Variants in ROCK1 observed in about 807,000 individuals in gnomAD.
ROCK1 encodes Rho associated coiled-coil containing protein kinase 1, also known as rho-associated protein kinase 1.
Under a neutral mutation model 196.8 loss-of-function variants are expected in ROCK1, and 36 were observed. The observed-to-expected ratio is 0.18, with a 90% CI of 0.14 to 0.24. ROCK1 has a LOEUF of 0.24. ROCK1 is among the 10% of genes least tolerant of loss of function. The pLI is 1.00. For synonymous variants in ROCK1, 443 were observed against 515.9 expected, an observed-to-expected ratio of 0.86 and a Z score of 1.91; for missense variants, 920 against 1,562.0, an observed-to-expected ratio of 0.59 and a Z score of 6.93.
chr18:21,055,368 AC>A (rs1568396531), intron 2 of ROCK1, among the ~76,000 whole-genome samples: 1 of 150,678 alleles, frequency 6.6e-6, no homozygotes, highest in African/African-American at 2.5e-5. Context: ...CTTCACACAC[AC>A]CTCCCACAGC....
intron 10 of ROCK1, among the ~76,000 whole-genome samples, chr18:21,026,925 ATTTC>A (rs1008283703): frequency 1.3e-5 from 2 of 148,472 alleles, no homozygotes; most frequent in Non-Finnish European, 3.0e-5. Flanking sequence ...CTTTGTTTAG[ATTTC>A]TTTTTCTTTC....
At chr18:21,069,416 T>C (rs2036365125) in intron 2 of ROCK1, among the ~76,000 whole-genome samples, 1 of 152,116 alleles carries the variant, frequency 6.6e-6, no homozygotes, top group African/African-American at 2.4e-5. Flanking sequence ...GGTTTACCAG[T>C]TAAAACAGTT....
intron 1 of ROCK1, among the ~76,000 whole-genome samples, chr18:21,101,664 A>G (rs2036660660): frequency 6.6e-6 from 1 of 152,224 alleles, no homozygotes. Context: ...AGATTTCTCT[A>G]TATTAAGAGA....
chr18:20,954,861 G>A lies in ROCK1; in HGVS notation c.3775C>T (p.Leu1259=), dbSNP rs1164425646. The A allele has an allele frequency of 7.4e-6, 12 of 1,613,840 alleles. No individual in the cohort carries two copies. The East Asian group carries it at 1.1e-4, about 15-fold the overall frequency. The part of the protein sequence containing the change: ...LWHVFKPPPA[L]ECRRCHVKCH... The stretch of plus-strand genomic sequence containing the variant: ...TTAACATGGCATCTTCGACACTCTA[G>A]GGCAGGGGGTGGCTTAAAAACATGC... Residue 1259 remains leucine (L), a synonymous_variant, in exon 31 of 33, where the codon CTA becomes TTA. Transcript: ENST00000399799.
At chr18:21,063,829 A>C (rs975691007) in intron 2 of ROCK1, among the ~76,000 whole-genome samples, 6 of 152,200 alleles carry the variant, frequency 3.9e-5, no homozygotes, top group African/African-American at 1.4e-4. Context: ...GAAGACTGCC[A>C]CTGTTCAGAA....
At chr18:20,977,502 A>G (rs1262430896) in intron 22 of ROCK1, among the ~76,000 whole-genome samples, 1 of 152,182 alleles carries the variant, frequency 6.6e-6, no homozygotes, top group African/African-American at 2.4e-5. Flanking sequence ...TGAATCCCAC[A>G]TGGTAAGATG....
intron 16 of ROCK1, among the ~76,000 whole-genome samples, chr18:21,002,695 C>T (rs1210386775): frequency 6.6e-6 from 1 of 152,126 alleles, no homozygotes; most frequent in Non-Finnish European, 1.5e-5. Flanking sequence ...TCAATGGCTA[C>T]TAACACCACA....
At chr18:21,105,605 TA>T (rs2036696569) in intron 1 of ROCK1, among the ~76,000 whole-genome samples, 1 of 152,166 alleles carries the variant, frequency 6.6e-6, no homozygotes, top group Non-Finnish European at 1.5e-5. Context: ...ATGTGTGGAC[TA>T]ACACTGTCAA....
chr18:21,091,146 A>G (rs925362602), intron 1 of ROCK1, among the ~76,000 whole-genome samples: 1 of 151,922 alleles, frequency 6.6e-6, no homozygotes, highest in Non-Finnish European at 1.5e-5. Context: ...TGATACAAAG[A>G]CCAATCTCTC....
chr18:20,952,768 ACT>A (rs2035202655), intron 32 of ROCK1, among the ~76,000 whole-genome samples: 1 of 151,186 alleles, frequency 6.6e-6, no homozygotes, highest in East Asian at 2.0e-4. Context: ...ACAGAGTGAG[ACT>A]CTGTCTCAAA....
intron 2 of ROCK1, among the ~76,000 whole-genome samples, chr18:21,057,374 T>C (rs1210817859): frequency 6.6e-6 from 1 of 152,210 alleles, no homozygotes; most frequent in Admixed American, 6.5e-5. Context: ...TTAGAGTTAA[T>C]CTTTCTCCAA....
At chr18:21,053,470 T>C (rs186423357) in intron 2 of ROCK1, among the ~76,000 whole-genome samples, 10 of 152,354 alleles carry the variant, frequency 6.6e-5, no homozygotes, top group Admixed American at 2.0e-4. Flanking sequence ...TATACTGTCA[T>C]TGCATAATTT....
chr18:20,954,712 C>T (rs147691909), intron 31 of ROCK1, 71 bp downstream of exon 31: 21 of 1,437,952 alleles, frequency 1.5e-5, no homozygotes, highest in Non-Finnish European at 1.9e-5. Context: ...GAAATCACTA[C>T]ACATAAGTTA....
intron 27 of ROCK1, among the ~76,000 whole-genome samples, chr18:20,961,553 C>T (rs2035326724): frequency 6.6e-6 from 1 of 152,190 alleles, no homozygotes; most frequent in South Asian, 2.1e-4. Flanking sequence ...CTATCAGTAT[C>T]TATCAAAGCT....
At chr18:21,052,566 T>C (rs2036212386) in intron 2 of ROCK1, among the ~76,000 whole-genome samples, 1 of 152,136 alleles carries the variant, frequency 6.6e-6, no homozygotes, top group Admixed American at 6.5e-5. Flanking sequence ...GTTCATGGCC[T>C]ATTAGGAACT....
At chr18:21,005,601 G>C (rs938016304) in intron 16 of ROCK1, among the ~76,000 whole-genome samples, 1 of 152,202 alleles carries the variant, frequency 6.6e-6, no homozygotes, top group African/African-American at 2.4e-5. Flanking sequence ...TGCTGGCCTG[G>C]TGTGGTGTCT....
At chr18:20,975,089 T>C (rs150564573) in intron 22 of ROCK1, among the ~76,000 whole-genome samples, 5 of 152,314 alleles carry the variant, frequency 3.3e-5, no homozygotes, top group Non-Finnish European at 7.4e-5. Context: ...CCTCCTACCA[T>C]AGAGCTTTGT....
intron 10 of ROCK1, among the ~76,000 whole-genome samples, chr18:21,027,854 C>T (rs1368674678): frequency 7.0e-6 from 1 of 143,708 alleles, no homozygotes; most frequent in African/African-American, 2.6e-5. Flanking sequence ...CTCCGCCTCC[C>T]GGGTTCACGC....
In ROCK1 at chr18:20,991,214, T is replaced by C. The variant is rs751589454; in HGVS notation, c.2105A>G (p.His702Arg). The change falls in exon 18 of 33, where the codon CAT becomes CGT. Residue 702 changes from histidine (H) to arginine (R), a missense_variant. By Grantham distance (29) the His-to-Arg change is conservative. This residue lies in a region of ROCK1 where 520 missense variants were observed against 657.1 expected (regional missense o/e 0.79). Transcript: ENST00000399799. Reference sequence around the variant, plus strand: ...AGACTTTGCCTCTTCAATAGATTGATGTTTGTCAGTTAAACGAGCTTTGGT... The same window carrying C: ...AGACTTTGCCTCTTCAATAGATTGACGTTTGTCAGTTAAACGAGCTTTGGT... ...KVTKARLTDK[H>R]QSIEEAKSVA... 6.2e-7 allele frequency: 1 copy of C among 1,612,832 alleles called. No homozygotes were observed. The highest frequency in any genetic ancestry group is 1.1e-5 in the South Asian group (1 of 90,708).
Sources: allele counts gnomAD v4.1 joint callset (sites outside exome capture counted in the v4.1 genomes callset), GRCh38; gene constraint gnomAD v4.1.1; regional missense constraint gnomAD v4.1.1; transcripts MANE v1.5; gene names NCBI Gene and HGNC (gene_info 2026-07-23, HGNC 2026-07-21).